The following RSPH1 variants were observed in gnomAD, a reference collection of about 807,000 sequenced individuals.
The protein encoded by RSPH1 is radial spoke head 1 homolog.
Under a neutral mutation model 44.2 loss-of-function variants are expected in RSPH1, and 32 were observed. The ratio of observed to expected loss-of-function variants is 0.72; its 90% CI spans 0.55 to 0.97. RSPH1 has a LOEUF of 0.97. Among genes scored for constraint, RSPH1 ranks in the 50% least tolerant of loss-of-function variants. RSPH1 has a pLI of 0.00. For synonymous variants in RSPH1, 134 were observed against 147.3 expected (o/e 0.91, Z 0.65); for missense variants, 391 against 398.7 (o/e 0.98, Z 0.16).
chr21:42,474,490 C>T lies in RSPH1; in HGVS notation c.877+1408G>A, dbSNP rs1472572027. On this transcript the variant is annotated intron_variant, in intron 8 of 8. Transcript: ENST00000291536. This position sits in a 1 kb window ranked among gnomAD's most constrained non-coding sequence, Gnocchi z 5.2. ...GCGAGAGCCCAGCCCCTCACTCCCACACTGCCTATCAAACCCAGTGTCTCC... is the reference window on the plus strand; with the variant it reads ...GCGAGAGCCCAGCCCCTCACTCCCATACTGCCTATCAAACCCAGTGTCTCC... 6.6e-6 allele frequency among the ~76,000 whole-genome samples: 1 copy of T among 152,264 alleles called. No homozygotes were observed. The highest frequency in any genetic ancestry group is 1.9e-4 in the East Asian group (1 of 5,200).
At chr21:42,494,213 C>G in intron 1 of RSPH1, among the ~76,000 whole-genome samples, 1 of 152,146 alleles carries the variant, frequency 6.6e-6, no homozygotes, top group East Asian at 1.9e-4. Flanking sequence ...ACATGGGTAT[C>G]TCATAACATC....
At chr21:42,485,255 CT>C in intron 5 of RSPH1, 2 of 170,984 alleles carry the variant, frequency 1.2e-5, no homozygotes, top group Admixed American at 5.7e-5. Flanking sequence ...AGCTGGGGGT[CT>C]TCCTCCCCAG....
At chr21:42,486,895 C>A (rs796332629) in intron 3 of RSPH1, among the ~76,000 whole-genome samples, 40 of 152,312 alleles carry the variant, frequency 2.6e-4, no homozygotes, top group African/African-American at 9.4e-4. Flanking sequence ...TGACCCATTG[C>A]CAGTGATCCT....
rs536522235 is a variant in RSPH1 at position 42,489,289 on chromosome 21, T to C, written c.275-2828A>G. ...GCTGGTTGGTTGGTTGGTTGGTTGG[T>C]TGGCTGGTTGGCTAATTGGTTGGTT... On this transcript the variant is annotated intron_variant, in intron 3 of 8. Coordinates refer to ENST00000291536, the MANE Select transcript of RSPH1 (RefSeq NM_080860.4). Among the ~76,000 whole-genome samples, 8 of 152,030 alleles carry C rather than the reference T, an allele frequency of 5.3e-5. No homozygotes were observed. The South Asian group carries it at 6.2e-4, about 12-fold the overall frequency.
chr21:42,495,145 G>A (rs571483213), intron 1 of RSPH1, among the ~76,000 whole-genome samples: 1 of 152,316 alleles, frequency 6.6e-6, no homozygotes, highest in African/African-American at 2.4e-5. Flanking sequence ...GGCATCAATC[G>A]CACTGCAGAC....
At chr21:42,489,465 G>T (rs1307042192) in intron 3 of RSPH1, among the ~76,000 whole-genome samples, 3 of 152,220 alleles carry the variant, frequency 2.0e-5, no homozygotes, top group Non-Finnish European at 2.9e-5. Context: ...AGAGCAGTTT[G>T]TCTGGCACTT....
intron 6 of RSPH1, among the ~76,000 whole-genome samples, chr21:42,482,224 C>T (rs1357722791): frequency 6.6e-6 from 1 of 152,190 alleles, no homozygotes; most frequent in Non-Finnish European, 1.5e-5. Context: ...GCTGGGATTA[C>T]AGGCATGCGC....
chr21:42,489,362 T>C (rs2054213838), intron 3 of RSPH1, among the ~76,000 whole-genome samples: 1 of 152,190 alleles, frequency 6.6e-6, no homozygotes, highest in South Asian at 2.1e-4. Context: ...GTTGCTTGGT[T>C]GGCTAGTCAG....
intron 5 of RSPH1, 163 bp downstream of exon 5, chr21:42,485,506 C>A: frequency 2.7e-6 from 2 of 739,070 alleles, no homozygotes; most frequent in Non-Finnish European, 4.4e-6. Flanking sequence ...TCTGTGGGTA[C>A]CAGAGGCTCA....
chr21:42,488,272 G>C (rs1020149005), intron 3 of RSPH1, among the ~76,000 whole-genome samples: 1 of 152,166 alleles, frequency 6.6e-6, no homozygotes, highest in African/African-American at 2.4e-5. Flanking sequence ...TACCTAGAGG[G>C]ATTTGTCTGG....
chr21:42,482,717 A>G lies in RSPH1; in HGVS notation c.502-9T>C, dbSNP rs1290424077. The G allele has an allele frequency of 6.2e-7, 1 of 1,607,978 alleles. No individual in the cohort carries two copies. The highest frequency in any genetic ancestry group is 2.2e-5 in the East Asian group (1 of 44,848). ...TTTCCAGGGCCAACAGGCTACGAGC[A>G]AAGAGAAACCATTCTTAAGTGTCAA... On this transcript the variant is annotated splice_polypyrimidine_tract_variant and intron_variant, in intron 5 of 8. Transcript: ENST00000291536.
In RSPH1 at chr21:42,477,375, T is replaced by C. The variant is rs1455805918; in HGVS notation, c.643A>G (p.Thr215Ala). 3.7e-6 allele frequency: 6 copies of C among 1,612,312 alleles called. No individual in the cohort carries two copies. Among genetic ancestry groups the C allele is most frequent in the Non-Finnish European group, 5.1e-6 (6 of 1,179,410 alleles). Reference protein sequence around the residue: ...VVPKWKATQITELALWTPTLP... With the variant: ...VVPKWKATQIAELALWTPTLP... ...GTTGGTGTCCACAGGGCCAATTCAGTGATTTGGGTAGCTTTCCATTTTGGA... is the reference window on the plus strand; with the variant it reads ...GTTGGTGTCCACAGGGCCAATTCAGCGATTTGGGTAGCTTTCCATTTTGGA... The change falls in exon 7 of 9, where the codon ACT becomes GCT. Residue 215 changes from threonine (T) to alanine (A), a missense_variant. By Grantham distance (58) the Thr-to-Ala change is moderately conservative (BLOSUM62 0). Transcript: ENST00000291536.
At chr21:42,486,719 C>A (rs755022552) in intron 3 of RSPH1, among the ~76,000 whole-genome samples, 2 of 152,140 alleles carry the variant, frequency 1.3e-5, no homozygotes, top group Non-Finnish European at 2.9e-5. Context: ...TGCTGAGCCA[C>A]GGTGGACAGT....
intron 6 of RSPH1, among the ~76,000 whole-genome samples, chr21:42,479,643 C>A (rs2054105446): frequency 1.3e-5 from 2 of 151,580 alleles, no homozygotes; most frequent in African/African-American, 2.4e-5. Flanking sequence ...GAAATCCCAG[C>A]AAAATACTAA....
intron 6 of RSPH1, among the ~76,000 whole-genome samples, chr21:42,478,654 C>T (rs140715187): frequency 1.3e-5 from 2 of 152,154 alleles, no homozygotes; most frequent in African/African-American, 2.4e-5. Flanking sequence ...CTTCAAAAAG[C>T]GAAACAGCAT....
At chr21:42,475,714 G>A (rs900269552) in intron 8 of RSPH1, among the ~76,000 whole-genome samples, 184 bp downstream of exon 8, 2 of 131,048 alleles carry the variant, frequency 1.5e-5, no homozygotes, top group Non-Finnish European at 3.2e-5. Flanking sequence ...AGGCTTGCAG[G>A]AGGGCCTGCC....
At chr21:42,476,080 C>G (rs768847342) in intron 7 of RSPH1, 33 bp from the exon 8 acceptor site, 38 of 1,612,388 alleles carry the variant, frequency 2.4e-5, no homozygotes, top group South Asian at 1.9e-4. Flanking sequence ...AGCCTGAGTT[C>G]CTGGGAAAAA....
chr21:42,476,251 T>C (rs1350676710), intron 7 of RSPH1, among the ~76,000 whole-genome samples: 2 of 151,012 alleles, frequency 1.3e-5, no homozygotes, highest in African/African-American at 4.9e-5. Context: ...AGTCAGTGGC[T>C]TGGGGATGGG....
chr21:42,486,800 C>T (rs2054185425), intron 3 of RSPH1, among the ~76,000 whole-genome samples: 1 of 152,148 alleles, frequency 6.6e-6, no homozygotes, highest in Non-Finnish European at 1.5e-5. Flanking sequence ...GCCACAGCCA[C>T]CTGCATGTAC....
Sources: allele counts gnomAD v4.1 joint callset (sites outside exome capture counted in the v4.1 genomes callset), GRCh38; gene constraint gnomAD v4.1.1; non-coding constraint Gnocchi (gnomAD v3.1); transcripts MANE v1.5; gene names NCBI Gene and HGNC (gene_info 2026-07-23, HGNC 2026-07-21).